Variants in SLC4A5 observed in about 807,000 individuals in gnomAD.
SLC4A5 encodes solute carrier family 4 member 5, also known as electrogenic sodium bicarbonate cotransporter 4.
A neutral mutation model predicts 120.4 loss-of-function variants in SLC4A5; 96 were observed. The ratio of observed to expected loss-of-function variants is 0.80; its 90% confidence interval spans 0.68 to 0.94. The LOEUF (loss-of-function observed/expected upper bound fraction) is 0.94. Among genes scored for constraint, SLC4A5 ranks in the 40% least tolerant of loss-of-function variants. The probability of loss-of-function intolerance (pLI) is 0.00; values close to 1 mark genes in which losing one functional copy is unlikely to be tolerated. For missense variants in SLC4A5, 1,259 were observed against 1,459.5 expected (o/e 0.86, Z 2.24); for synonymous variants, 550 against 571.1 (o/e 0.96, Z 0.53).
intron 22 of SLC4A5, 142 bp downstream of exon 22, chr2:74,234,959 G>C (rs752677001): frequency 4.6e-6 from 3 of 645,844 alleles, no homozygotes; most frequent in Non-Finnish European, 8.1e-6. Context: ...CTGGGAGCCT[G>C]TGTTCAGGAA....
intron 12 of SLC4A5, among the ~76,000 whole-genome samples, chr2:74,259,095 A>G (rs1671056427): frequency 6.6e-6 from 1 of 152,166 alleles, no homozygotes; most frequent in Non-Finnish European, 1.5e-5. Flanking sequence ...TTGTTTGCAG[A>G]ATTCTGATCT....
intron 3 of SLC4A5, among the ~76,000 whole-genome samples, chr2:74,337,320 G>A (rs948062578): frequency 1.3e-5 from 2 of 152,090 alleles, no homozygotes; most frequent in African/African-American, 4.8e-5. Flanking sequence ...AGGCACCAAC[G>A]ACCCAGGACC....
At chr2:74,219,970 C>A (rs1362808314) in intron 30 of SLC4A5, among the ~76,000 whole-genome samples, 1 of 152,090 alleles carries the variant, frequency 6.6e-6, no homozygotes, top group Non-Finnish European at 1.5e-5. Flanking sequence ...GCAGCTTTGC[C>A]TTATAATTCA....
At chr2:74,318,192 G>A (rs183781938) in intron 5 of SLC4A5, among the ~76,000 whole-genome samples, 5 of 151,950 alleles carry the variant, frequency 3.3e-5, no homozygotes, top group African/African-American at 1.2e-4. Flanking sequence ...GAATCTGTGA[G>A]GAATTCAAAC....
chr2:74,256,936 T>C (rs1670984738), intron 12 of SLC4A5, among the ~76,000 whole-genome samples: 1 of 152,170 alleles, frequency 6.6e-6, no homozygotes, highest in Admixed American at 6.5e-5. Context: ...AGGACAGCTC[T>C]GAAGAGAGCG....
intron 7 of SLC4A5, among the ~76,000 whole-genome samples, chr2:74,294,323 C>T (rs1404860300): frequency 2.0e-5 from 3 of 152,142 alleles, no homozygotes; most frequent in African/African-American, 4.8e-5. Context: ...AAGAGAACAA[C>T]GACATCCATC....
intron 11 of SLC4A5, among the ~76,000 whole-genome samples, chr2:74,261,810 T>C (rs187012372): frequency 6.6e-6 from 1 of 152,242 alleles, no homozygotes; most frequent in East Asian, 1.9e-4. Context: ...GGAAAGCTTT[T>C]CACCAAAAAA....
At chr2:74,268,619 G>A (rs1671378788) in intron 8 of SLC4A5, among the ~76,000 whole-genome samples, 1 of 152,196 alleles carries the variant, frequency 6.6e-6, no homozygotes, top group Admixed American at 6.5e-5. Context: ...TAAACTCTCA[G>A]AAGTGGAATT....
chr2:74,250,280 T>C (rs1263500967), intron 17 of SLC4A5, 63 bp downstream of exon 17: 2 of 1,554,724 alleles, frequency 1.3e-6, no homozygotes, highest in Non-Finnish European at 1.7e-6. Context: ...GGATGAAGCT[T>C]CCTGCTGCCA....
chr2:74,243,362 C>A (rs1411197592), intron 19 of SLC4A5, among the ~76,000 whole-genome samples: 1 of 152,218 alleles, frequency 6.6e-6, no homozygotes, highest in Non-Finnish European at 1.5e-5. Context: ...TCTCTTCTTC[C>A]TGAACTGCTA....
rs372321375 is a variant in SLC4A5, at chr2:74,234,849, T to G, written c.2433+252A>C. Among the ~76,000 whole-genome samples the G allele has an allele frequency of 2.4e-4, 37 of 152,356 alleles. No individual in the cohort carries two copies. In the East Asian group the frequency reaches 5.2e-3, roughly 21 times the overall value. ...AGGAATCAAGAGGCTTCTGCTGGGTTGGAGGGTGAATTCCAGTGCCTTCCT... is the reference window on the plus strand; with the variant it reads ...AGGAATCAAGAGGCTTCTGCTGGGTGGGAGGGTGAATTCCAGTGCCTTCCT... On this transcript the variant is annotated intron_variant, in intron 22 of 30. Transcript: ENST00000394019.
rs1256012401 is a variant in SLC4A5 at position 74,232,571 on chromosome 2, C to G, written c.2672G>C (p.Trp891Ser). The change falls in exon 24 of 31, where the codon TGG (tryptophan) becomes TCG (serine). Residue 891 changes from tryptophan to serine, a missense_variant. Transcript: ENST00000394019. ...GGAGATGACCGTGGCAGCCACGTAC[C>G]AGGGGAGCCCCATAAAGGAGCACAA... is the stretch of plus-strand genomic sequence containing the variant. 16 of 1,613,846 alleles carry G rather than the reference C, an allele frequency of 9.9e-6. No individual in the cohort carries two copies. Among genetic ancestry groups the G allele is most frequent in the South Asian group, 1.1e-5 (1 of 91,072 alleles).
At chr2:74,325,189 A>G (rs1272120613) in intron 5 of SLC4A5, among the ~76,000 whole-genome samples, 1 of 152,228 alleles carries the variant, frequency 6.6e-6, no homozygotes, top group African/African-American at 2.4e-5. Context: ...TTGAAGTACT[A>G]TGGATTCTCA....
At chr2:74,251,954 A>T (rs1670804622) in intron 16 of SLC4A5, among the ~76,000 whole-genome samples, 1 of 152,184 alleles carries the variant, frequency 6.6e-6, no homozygotes, top group Non-Finnish European at 1.5e-5. Flanking sequence ...GATATCTAAG[A>T]GAAAAGTTTG....
At chr2:74,252,855 T>G in intron 15 of SLC4A5, 119 bp downstream of exon 15, 314 of 1,232,092 alleles carry the variant, frequency 2.5e-4, no homozygotes, top group Non-Finnish European at 3.4e-4. Flanking sequence ...CCCAAAGTGT[T>G]GAGATTACAG....
chr2:74,300,686 C>T (rs537526201), intron 7 of SLC4A5, among the ~76,000 whole-genome samples: 26 of 152,272 alleles, frequency 1.7e-4, no homozygotes, highest in Non-Finnish European at 2.6e-4. Context: ...CCTCCATCAA[C>T]GCACCTCCCA....
At chr2:74,254,635 G>T (rs1486898365) in exon 14 of SLC4A5, 2 of 1,613,914 alleles carry the variant, frequency 1.2e-6, no homozygotes, top group African/African-American at 2.7e-5. Context: ...TACCATGAGG[G>T]TTGCAATGGC....
intron 20 of SLC4A5, among the ~76,000 whole-genome samples, chr2:74,240,912 A>G (rs1670420478): frequency 6.6e-6 from 1 of 152,226 alleles, no homozygotes; most frequent in Non-Finnish European, 1.5e-5. Context: ...ATGTCCCCCA[A>G]GTCCTACCAG....
chr2:74,258,303 G>A (rs546811582), intron 12 of SLC4A5, among the ~76,000 whole-genome samples: 12 of 152,340 alleles, frequency 7.9e-5, no homozygotes, highest in South Asian at 2.1e-4. Flanking sequence ...TGCAAATACC[G>A]AGAAGCAGCA....
Sources: allele counts gnomAD v4.1 joint callset (sites outside exome capture counted in the v4.1 genomes callset), GRCh38; gene constraint gnomAD v4.1.1; transcripts MANE v1.5; gene names NCBI Gene and HGNC (gene_info 2026-07-23, HGNC 2026-07-21).